The following ARID1A variants were observed in gnomAD, a reference collection of about 807,000 sequenced individuals.
The protein encoded by ARID1A is AT-rich interaction domain 1A.
Under a neutral mutation model 212.6 loss-of-function variants are expected in ARID1A, and 20 were observed. The observed-to-expected ratio is 0.09, with a 90% CI of 0.07 to 0.14. ARID1A has a LOEUF of 0.14. ARID1A is among the 10% of genes least tolerant of loss of function. ARID1A has a pLI of 1.00. For synonymous variants in ARID1A, 1,376 were observed against 1,222.1 expected (o/e 1.13, Z -2.63); for missense variants, 2,587 against 3,059.0 (o/e 0.85, Z 3.64).
intron 5 of ARID1A, 43 bp downstream of exon 5, chr1:26,761,139 G>A: frequency 6.2e-7 from 1 of 1,603,146 alleles, no homozygotes; most frequent in Non-Finnish European, 8.5e-7. Flanking sequence ...AAAGGTGACT[G>A]CCCCCAGTAA....
At chr1:26,698,073 G>A (rs1343633598) in intron 1 of ARID1A, among the ~76,000 whole-genome samples, 3 of 152,190 alleles carry the variant, frequency 2.0e-5, no homozygotes, top group African/African-American at 2.4e-5. Context: ...GGCCGGCTGC[G>A]GTTCACCTAG....
intron 2 of ARID1A, among the ~76,000 whole-genome samples, chr1:26,730,391 C>A (rs555722566): frequency 3.3e-4 from 50 of 152,300 alleles, no homozygotes; most frequent in Middle Eastern, 6.8e-3. Flanking sequence ...TCGAACCATT[C>A]ACATCATTAT....
chr1:26,762,920 T>C (rs541543290), intron 7 of ARID1A, 53 bp from the exon 8 acceptor site: 2 of 1,453,058 alleles, frequency 1.4e-6, no homozygotes, highest in South Asian at 2.7e-5. Context: ...TTGAGAGATA[T>C]TAGTGAGTTG....
In ARID1A at chr1:26,771,447, C is replaced by A; in HGVS notation, c.3406+121C>A. 1 of 1,141,478 alleles carries A rather than the reference C, an allele frequency of 8.8e-7. No individual in the cohort carries two copies. The highest frequency in any genetic ancestry group is 1.2e-6 in the Non-Finnish European group (1 of 805,996). The allele number at this position is 1,141,478 out of a possible 1,614,324, so 70.7% of individuals were successfully genotyped here. A position where few individuals can be genotyped will look rare whatever the true frequency, so the allele number is the denominator to read the frequency against. ...TGCCAAGGATCTGTGCTCTGCCTTG[C>A]CCTACCACAGGGCTTAACAGGTTGG... On this transcript the variant is annotated intron_variant, in intron 12 of 19. Coordinates refer to ENST00000324856, the MANE Select transcript of ARID1A (RefSeq NM_006015.6). This position sits in a 1 kb window ranked among gnomAD's most constrained non-coding sequence, Gnocchi z 5.4.
intron 4 of ARID1A, among the ~76,000 whole-genome samples, chr1:26,752,226 A>G (rs1267137938): frequency 6.6e-6 from 1 of 152,132 alleles, no homozygotes; most frequent in African/African-American, 2.4e-5. Flanking sequence ...AAGGCAGCCT[A>G]TTCTGTGTGT....
In ARID1A at chr1:26,773,383, C is replaced by T. The variant is rs768329686; in HGVS notation, c.3753C>T (p.Gly1251=). The change falls in exon 15 of 20, where the codon GGC becomes GGT. Residue 1251 remains glycine (G), a synonymous_variant. Coordinates refer to ENST00000324856, the MANE Select transcript of ARID1A (RefSeq NM_006015.6). The part of the protein sequence containing the change: ...GSDPFMSSGQ[G]PNGGMGDPYS... ...ATCCCTTCATGTCCTCAGGGCAGGG[C>T]CCCAACGGCGGGATGGGTGACCCCT... The T allele has an allele frequency of 6.2e-6, 10 of 1,610,806 alleles. No individual in the cohort carries two copies. Among genetic ancestry groups the T allele is most frequent in the Non-Finnish European group, 8.5e-6 (10 of 1,178,324 alleles).
Position 26,773,477 on chromosome 1 carries a change from G to T in ARID1A, c.3847G>T (p.Gly1283Cys). 1 of 1,613,202 alleles carries T rather than the reference G, an allele frequency of 6.2e-7. No individual in the cohort carries two copies. The highest frequency in any genetic ancestry group is 8.5e-7 in the Non-Finnish European group (1 of 1,179,504). The change falls in exon 15 of 20, where the codon GGT becomes TGT. Residue 1283 changes from glycine (G) to cysteine (C), a missense_variant. By Grantham distance (159) the Gly-to-Cys change is radical. Transcript: ENST00000324856. ...MGPRQHYPYG[G>C]PYDRVRTEPG... ...ACCACGACAGCACTATCCCTATGGA[G>T]GTCCTTATGACAGAGTGAGGTAAGC... is the stretch of plus-strand genomic sequence containing the variant.
intron 5 of ARID1A, 44 bp downstream of exon 5, chr1:26,761,140 C>A (rs537961802): frequency 6.2e-7 from 1 of 1,601,682 alleles, no homozygotes; most frequent in Non-Finnish European, 8.5e-7. Flanking sequence ...AAGGTGACTG[C>A]CCCCAGTAAT....
intron 14 of ARID1A, 101 bp from the exon 15 acceptor site, chr1:26,773,245 A>AT: frequency 1.4e-6 from 2 of 1,454,444 alleles, no homozygotes; most frequent in Non-Finnish European, 1.9e-6. Context: ...CTGGAAAACA[A>AT]TGAGATCAAA....
chr1:26,756,601 A>G (rs1475043752), intron 4 of ARID1A, among the ~76,000 whole-genome samples: 2 of 151,848 alleles, frequency 1.3e-5, no homozygotes, highest in Non-Finnish European at 2.9e-5. Context: ...CACAAAAAAA[A>G]ACCCACAAAG....
intron 1 of ARID1A, among the ~76,000 whole-genome samples, chr1:26,723,526 C>T (rs760659757): frequency 2.0e-5 from 3 of 152,136 alleles, no homozygotes; most frequent in Non-Finnish European, 4.4e-5. Flanking sequence ...TCTGTTCTCT[C>T]GGCTCTTTCT....
intron 4 of ARID1A, among the ~76,000 whole-genome samples, chr1:26,738,246 A>T (rs1215222254): frequency 6.6e-6 from 1 of 151,594 alleles, no homozygotes; most frequent in African/African-American, 2.4e-5. Context: ...CTGGTCTCGA[A>T]CTCCTGACCT....
rs1451331560 is a variant in ARID1A at position 26,731,615 on chromosome 1, C to T, written c.1803+11C>T. On this transcript the variant is annotated intron_variant, in intron 3 of 19. Transcript: ENST00000324856. ...TTCCCTCCACCGCAGGTAAGATATC[C>T]CTGCCTCCTGCCCTTCCCTGTGTGT... 8 of 1,610,946 alleles carry T rather than the reference C, an allele frequency of 5.0e-6. No homozygotes were observed. The highest frequency in any genetic ancestry group is 1.7e-5 in the Admixed American group (1 of 59,958).
At chr1:26,703,779 A>G (rs1454363817) in intron 1 of ARID1A, among the ~76,000 whole-genome samples, 1 of 152,212 alleles carries the variant, frequency 6.6e-6, no homozygotes, top group African/African-American at 2.4e-5. Context: ...ATGTGATTAC[A>G]CCAGCTAGGT....
chr1:26,696,664 AGCCGGCAGCGGCGGC>A lies in ARID1A; in HGVS notation c.263_277del (p.Ala88_Gly92del), dbSNP rs1191458952. 1.5e-5 allele frequency: 19 copies of A among 1,310,240 alleles called. 2 individuals are homozygous for A. In the Admixed American group the frequency reaches 6.5e-4, roughly 45 times the overall value. 81.2% of individuals were successfully genotyped at this position (1,310,240 alleles called of 1,614,324 possible). On this transcript the variant is annotated inframe_deletion, in exon 1 of 20. Transcript: ENST00000324856. ...GCAATGGGGGTGGCGGCGGCGGCGGAGCCGGCAGCGGCGGCGGGCCCGGCGCGGAGCCGGACCTGA... is the reference window on the plus strand; with the variant it reads ...GCAATGGGGGTGGCGGCGGCGGCGGAGGGCCCGGCGCGGAGCCGGACCTGA...
Position 26,731,331 on chromosome 1 carries a change from G to A in ARID1A, c.1530G>A (p.Gln510=), listed in dbSNP as rs2124788780. Residue 510 remains glutamine, a synonymous_variant, in exon 3 of 20, where the codon CAG becomes CAA. Transcript: ENST00000324856. ...YQQQPQSQPP[Q]LQSSQPPYSQ... ...AGCAGCCACAGTCTCAACCACCACA[G>A]CTCCAGTCCTCTCAGCCTCCATACT... 6.2e-7 allele frequency: 1 copy of A among 1,613,498 alleles called. No individual in the cohort carries two copies. Among genetic ancestry groups the A allele is most frequent in the Non-Finnish European group, 8.5e-7 (1 of 1,179,874 alleles).
At chr1:26,728,466 T>G (rs1044458320) in intron 1 of ARID1A, among the ~76,000 whole-genome samples, 1 of 152,214 alleles carries the variant, frequency 6.6e-6, no homozygotes, top group Non-Finnish European at 1.5e-5. Flanking sequence ...ATAGAATAGC[T>G]TATTAATTAT....
At chr1:26,698,505 A>G (rs1285476100) in intron 1 of ARID1A, among the ~76,000 whole-genome samples, 1 of 152,232 alleles carries the variant, frequency 6.6e-6, no homozygotes, top group Non-Finnish European at 1.5e-5. Context: ...AAAGCCTCAG[A>G]CAGCCTGCCC....
chr1:26,737,118 T>TTTTG (rs959096318), intron 4 of ARID1A, among the ~76,000 whole-genome samples: 3 of 152,018 alleles, frequency 2.0e-5, no homozygotes, highest in African/African-American at 7.2e-5. Flanking sequence ...CTTGCTTTTT[T>TTTTG]TTTGTTTGTT....
Sources: allele counts gnomAD v4.1 joint callset (sites outside exome capture counted in the v4.1 genomes callset), GRCh38; gene constraint gnomAD v4.1.1; non-coding constraint Gnocchi (gnomAD v3.1); transcripts MANE v1.5; gene names NCBI Gene and HGNC (gene_info 2026-07-23, HGNC 2026-07-21).